DDX4: variants seen among roughly 807,000 people sequenced by gnomAD.
DDX4 encodes the protein DEAD-box helicase 4.
A neutral mutation model predicts 100.0 loss-of-function variants in DDX4; 25 were observed. The observed-to-expected ratio is 0.25, with a 90% confidence interval of 0.18 to 0.35. The LOEUF (loss-of-function observed/expected upper bound fraction) is 0.35, where lower values mean the gene tolerates loss of function less well. Ranked by LOEUF, DDX4 falls within the 10% of genes least tolerant of loss-of-function variation. The pLI, the probability that DDX4 is intolerant of heterozygous loss-of-function variation, is 1.00. For missense variants in DDX4, 635 were observed against 882.4 expected, an observed-to-expected ratio of 0.72 and a Z score of 3.55; for synonymous variants, 259 against 275.7, an observed-to-expected ratio of 0.94 and a Z score of 0.60.
intron 7 of DDX4, among the ~76,000 whole-genome samples, chr5:55,774,468 C>T (rs566116667): frequency 1.3e-5 from 2 of 152,212 alleles, no homozygotes; most frequent in African/African-American, 4.8e-5. Flanking sequence ...TGTTTAATAA[C>T]CTCCTGTGGG....
chr5:55,773,653 G>T (rs1399814182), intron 7 of DDX4, among the ~76,000 whole-genome samples: 3 of 151,756 alleles, frequency 2.0e-5, no homozygotes, highest in African/African-American at 4.8e-5. Context: ...TTGAGACAGG[G>T]TCTTACTCTC....
At chr5:55,738,823 A>G (rs1274165908) in intron 1 of DDX4, 127 bp from the exon 2 acceptor site, 1 of 665,596 alleles carries the variant, frequency 1.5e-6, no homozygotes, top group East Asian at 2.6e-5. Context: ...TTTGGAAAAA[A>G]CTTTTGGGGT....
Position 55,738,085 on chromosome 5 carries a change from G to C in DDX4, c.-31G>C, listed in dbSNP as rs893276792. 12 of 152,324 alleles carry C rather than the reference G, an allele frequency of 7.9e-5. No individual in the cohort carries two copies. Among genetic ancestry groups the C allele is most frequent in the Non-Finnish European group, 1.8e-4 (12 of 68,088 alleles). The allele number at this position is 152,324 out of a possible 1,614,324, so 9.4% of individuals were successfully genotyped here. On this transcript the variant is annotated 5_prime_UTR_variant, in exon 1 of 22. Coordinates refer to ENST00000505374, the MANE Select transcript of DDX4 (RefSeq NM_024415.3). ...CGTGGGCGCCTGCGAGGGCTTGGGA[G>C]AGCAAGCCGCGGAGAGGTGAGTGGG...
chr5:55,760,312 T>C, intron 4 of DDX4, 35 bp downstream of exon 4: 1 of 1,513,042 alleles, frequency 6.6e-7, no homozygotes, highest in Non-Finnish European at 8.8e-7. Flanking sequence ...TCTCCTGAAC[T>C]GTTGAATAAT....
Position 55,810,571 on chromosome 5 carries a change from C to T in DDX4, c.1616-3102C>T, listed in dbSNP as rs375893699. ...GGATTTTCAAATTAGGAATGCTCAACGTGTATTAACATTTTATCTATTCTC... is the reference window on the plus strand; with the variant it reads ...GGATTTTCAAATTAGGAATGCTCAATGTGTATTAACATTTTATCTATTCTC... On this transcript the variant is annotated intron_variant, in intron 18 of 21. Coordinates refer to ENST00000505374, the MANE Select transcript of DDX4 (RefSeq NM_024415.3). Among the ~76,000 whole-genome samples the T allele has an allele frequency of 1.9e-3, 289 of 152,220 alleles. 3 individuals carry two copies. Among genetic ancestry groups the T allele is most frequent in the African/African-American group, 6.3e-3 (260 of 41,546 alleles).
At chr5:55,808,097 C>A (rs1030898857) in intron 18 of DDX4, among the ~76,000 whole-genome samples, 3 of 152,148 alleles carry the variant, frequency 2.0e-5, no homozygotes, top group Admixed American at 2.0e-4. Context: ...CCCTTTCTTC[C>A]AGTTGATTGA....
chr5:55,753,404 C>G (rs1245808573), intron 3 of DDX4, among the ~76,000 whole-genome samples: 1 of 152,102 alleles, frequency 6.6e-6, no homozygotes, highest in Non-Finnish European at 1.5e-5. Context: ...AGCCAGTGTT[C>G]CCAGCACCAT....
chr5:55,761,572 A>G (rs1034736210), intron 4 of DDX4, among the ~76,000 whole-genome samples: 8 of 151,676 alleles, frequency 5.3e-5, no homozygotes, highest in Non-Finnish European at 7.4e-5. Context: ...CTTATTTTCC[A>G]TATGATTCTT....
At chr5:55,767,178 G>A (rs560568514) in intron 6 of DDX4, among the ~76,000 whole-genome samples, 6 of 152,260 alleles carry the variant, frequency 3.9e-5, no homozygotes, top group South Asian at 2.1e-4. Context: ...AGTGGCTCAC[G>A]CCTGTAATCC....
chr5:55,798,366 G>A (rs1743092751), intron 17 of DDX4, 60 bp from the exon 18 acceptor site: 1 of 1,546,390 alleles, frequency 6.5e-7, no homozygotes, highest in South Asian at 1.2e-5. Context: ...GAATTCAGTG[G>A]ATATTATGGA....
At chr5:55,754,405 G>T (rs1759790784) in intron 3 of DDX4, among the ~76,000 whole-genome samples, 1 of 109,944 alleles carries the variant, frequency 9.1e-6, no homozygotes, top group Non-Finnish European at 1.9e-5. Context: ...TTTGTCAAAG[G>T]CTTTTTCTGC....
intron 18 of DDX4, among the ~76,000 whole-genome samples, chr5:55,802,603 A>G (rs1743392997): frequency 6.6e-6 from 1 of 152,206 alleles, no homozygotes; most frequent in Admixed American, 6.5e-5. Context: ...AAAGCAGTCA[A>G]CTTTAGAACC....
chr5:55,775,871 A>G (rs1160985203), intron 7 of DDX4, among the ~76,000 whole-genome samples: 1 of 152,192 alleles, frequency 6.6e-6, no homozygotes. Flanking sequence ...CTGTAATCCC[A>G]GCACTTTGGG....
intron 2 of DDX4, among the ~76,000 whole-genome samples, chr5:55,739,980 A>G (rs1043749703): frequency 5.9e-5 from 9 of 152,144 alleles, no homozygotes; most frequent in Non-Finnish European, 1.0e-4. Context: ...AGTTCAGGCG[A>G]CATTCTCAAA....
chr5:55,797,304 C>G (rs576307595), intron 17 of DDX4, among the ~76,000 whole-genome samples: 1 of 152,302 alleles, frequency 6.6e-6, no homozygotes, highest in South Asian at 2.1e-4. Flanking sequence ...CTTAATATAT[C>G]TTTCCTACTT....
intron 13 of DDX4, among the ~76,000 whole-genome samples, chr5:55,786,296 T>G (rs1742243086): frequency 6.6e-6 from 1 of 152,150 alleles, no homozygotes; most frequent in Admixed American, 6.6e-5. Flanking sequence ...AAAAATGTTT[T>G]TAAAGCCACC....
chr5:55,802,314 T>C (rs1561513648), intron 18 of DDX4, among the ~76,000 whole-genome samples: 1 of 152,216 alleles, frequency 6.6e-6, no homozygotes, highest in Non-Finnish European at 1.5e-5. Context: ...TGTTTGATTT[T>C]AGTTTACAAA....
chr5:55,769,360 T>G (rs1370933077), intron 7 of DDX4, among the ~76,000 whole-genome samples: 1 of 152,192 alleles, frequency 6.6e-6, no homozygotes, highest in African/African-American at 2.4e-5. Context: ...TAGCGCCATT[T>G]ATTGAATAAG....
rs780759767 is a variant in DDX4, at chr5:55,786,624, C to A, written c.971C>A (p.Ala324Glu). Residue 324 changes from alanine to glutamate, a missense_variant, in exon 14 of 22, where the codon GCA becomes GAA. Physicochemically the swap from Ala to Glu is moderately radical, Grantham distance 107. Transcript: ENST00000505374. ...AAATACAGTATTCCTATCATACTTG[C>A]AGGACGAGATTTGATGGCTTGCGCT... ...VQKYSIPIIL[A>E]GRDLMACAQT... The A allele has an allele frequency of 1.2e-6, 2 of 1,613,194 alleles. No individual in the cohort carries two copies. The highest frequency in any genetic ancestry group is 1.7e-6 in the Non-Finnish European group (2 of 1,179,240).
Sources: gnomAD v4.1 joint callset for allele counts (sites outside exome capture counted in the v4.1 genomes callset) on GRCh38, gnomAD v4.1.1 for gene constraint, MANE v1.5 for transcripts, NCBI Gene and HGNC (gene_info 2026-07-23, HGNC 2026-07-21) for gene names.